The following PCDHA9 variants were observed in gnomAD, a reference collection of about 807,000 sequenced individuals.
PCDHA9 encodes the protein protocadherin alpha 9.
In PCDHA9, 62 loss-of-function variants were observed where a neutral mutation model predicts 62.0. That is an observed-to-expected ratio of 1.00 (90% CI 0.81 to 1.23). The LOEUF (loss-of-function observed/expected upper bound fraction) is 1.23. Among genes scored for constraint, PCDHA9 ranks in the 50% most tolerant of loss-of-function variants. The pLI is 0.00. For synonymous variants in PCDHA9, 557 were observed against 567.6 expected, an observed-to-expected ratio of 0.98 and a Z score of 0.27; for missense variants, 1,205 against 1,249.8, an observed-to-expected ratio of 0.96 and a Z score of 0.54.
intron 1 of PCDHA9, among the ~76,000 whole-genome samples, chr5:140,914,462 G>A (rs1554196374): frequency 6.6e-6 from 1 of 152,068 alleles, no homozygotes; most frequent in East Asian, 1.9e-4. Context: ...CAGTCTATGT[G>A]TATCTTCATA....
intron 1 of PCDHA9, among the ~76,000 whole-genome samples, chr5:140,947,975 A>G (rs572156919): frequency 5.8e-4 from 87 of 150,726 alleles, no homozygotes; most frequent in African/African-American, 1.9e-3. Context: ...TGTGCTACTC[A>G]TAGGTTTTTC....
chr5:140,979,573 G>T lies in PCDHA9; in HGVS notation c.2453+566G>T, dbSNP rs558232107. Among the ~76,000 whole-genome samples, 224 of 152,236 alleles carry T rather than the reference G, an allele frequency of 1.5e-3. 1 individual carries two copies. Among genetic ancestry groups the T allele is most frequent in the African/African-American group, 5.2e-3 (215 of 41,538 alleles). On this transcript the variant is annotated intron_variant, in intron 2 of 3. Transcript: ENST00000532602. ...CTTCAGAAGATGAGCCATGTAAAGG[G>T]CTCCAAATCTAGCTTACTTTAAATT...
chr5:140,885,641 T>G (rs917089389), intron 1 of PCDHA9, among the ~76,000 whole-genome samples: 10 of 152,200 alleles, frequency 6.6e-5, no homozygotes, highest in Admixed American at 6.5e-4. Context: ...GCCTTCCAAG[T>G]ATTTTGGAAC....
intron 1 of PCDHA9, chr5:140,927,118 G>T (rs2083863389): frequency 6.2e-7 from 1 of 1,613,946 alleles, no homozygotes; most frequent in East Asian, 2.2e-5. Context: ...CGGCAATTTG[G>T]TGGTCAGAGA....
At chr5:141,008,582 G>A (rs1554261823) in intron 3 of PCDHA9, among the ~76,000 whole-genome samples, 1 of 152,130 alleles carries the variant, frequency 6.6e-6, no homozygotes. Context: ...CCAAGACTCA[G>A]GGCAGATTTC....
intron 1 of PCDHA9, chr5:140,857,735 G>T (rs782288464): frequency 6.3e-7 from 1 of 1,597,334 alleles, no homozygotes; most frequent in Non-Finnish European, 8.6e-7. Flanking sequence ...CAACGCTCCC[G>T]CGCTGCTGGC....
chr5:140,965,031 T>C (rs1211247687), intron 1 of PCDHA9, among the ~76,000 whole-genome samples: 3 of 152,208 alleles, frequency 2.0e-5, no homozygotes, highest in African/African-American at 7.2e-5. Flanking sequence ...CTCCTTTAAC[T>C]GTCCGCTCTA....
At chr5:140,907,197 A>G (rs2073229380) in intron 1 of PCDHA9, among the ~76,000 whole-genome samples, 1 of 152,166 alleles carries the variant, frequency 6.6e-6, no homozygotes, top group Non-Finnish European at 1.5e-5. Context: ...AACCTTCTGG[A>G]GAATTTTGCC....
chr5:140,965,924 C>A (rs548082207), intron 1 of PCDHA9, among the ~76,000 whole-genome samples: 1 of 152,212 alleles, frequency 6.6e-6, no homozygotes, highest in Non-Finnish European at 1.5e-5. Context: ...TTTAGGCTTG[C>A]TCCCGGAAAG....
chr5:140,857,925 A>T (rs1291686886), intron 1 of PCDHA9: 2 of 1,597,686 alleles, frequency 1.3e-6, no homozygotes, highest in Non-Finnish European at 1.7e-6. Flanking sequence ...GTGGGGCTGT[A>T]CACGGGCGAG....
At chr5:140,865,992 T>C (rs1475339451) in intron 1 of PCDHA9, 1 of 152,212 alleles carries the variant, frequency 6.6e-6, no homozygotes, top group Non-Finnish European at 1.5e-5. Flanking sequence ...CACTAAGTTT[T>C]TTTATGTTAA....
rs530563833 is a variant in PCDHA9, at chr5:140,894,957, T to A, written c.2394+44068T>A. Among the ~76,000 whole-genome samples, 18 of 152,324 alleles carry A rather than the reference T, an allele frequency of 1.2e-4. No individual in the cohort carries two copies. In the East Asian group the frequency reaches 3.3e-3, roughly 28 times the overall value. Reference sequence around the variant, plus strand: ...AGCTATTGTCATGAAATGATAAAAATATAATTTTTTAATGTCTTACTTTGT... The same window carrying A: ...AGCTATTGTCATGAAATGATAAAAAAATAATTTTTTAATGTCTTACTTTGT... On this transcript the variant is annotated intron_variant, in intron 1 of 3. Transcript: ENST00000532602.
At chr5:140,987,050 C>G (rs781947211) in intron 3 of PCDHA9, among the ~76,000 whole-genome samples, 34 of 151,840 alleles carry the variant, frequency 2.2e-4, no homozygotes, top group Non-Finnish European at 2.5e-4. Context: ...CCCATCTCTA[C>G]TAAAGTTACA....
chr5:140,910,972 G>T (rs533796834), intron 1 of PCDHA9, among the ~76,000 whole-genome samples: 1 of 152,124 alleles, frequency 6.6e-6, no homozygotes, highest in African/African-American at 2.4e-5. Flanking sequence ...CCTCCTCATG[G>T]GTTATACTCT....
chr5:140,972,958 G>C (rs918792607), intron 1 of PCDHA9, among the ~76,000 whole-genome samples: 1 of 152,038 alleles, frequency 6.6e-6, no homozygotes, highest in African/African-American at 2.4e-5. Context: ...CACCATGCCC[G>C]GCAAAGGAAA....
chr5:140,922,595 A>G (rs1554200883), intron 1 of PCDHA9, among the ~76,000 whole-genome samples: 1 of 152,216 alleles, frequency 6.6e-6, no homozygotes, highest in Non-Finnish European at 1.5e-5. Context: ...AGTTCTCATC[A>G]GTTGAAGATA....
chr5:140,966,946 C>G (rs377699694), intron 1 of PCDHA9: 3 of 1,603,368 alleles, frequency 1.9e-6, no homozygotes, highest in African/African-American at 2.7e-5. Context: ...TCGTGGGCAA[C>G]GTGGCTCGCG....
chr5:140,887,023 A>T (rs561705710), intron 1 of PCDHA9, among the ~76,000 whole-genome samples: 3 of 152,050 alleles, frequency 2.0e-5, no homozygotes, highest in South Asian at 2.1e-4. Flanking sequence ...TGCCTGAAAA[A>T]TTTCTTTAAT....
intron 1 of PCDHA9, chr5:140,863,119 A>G: frequency 1.7e-6 from 1 of 591,284 alleles, no homozygotes. Context: ...GGCGAAAGCT[A>G]CGCGCCACCG....
Sources: allele counts gnomAD v4.1 joint callset (sites outside exome capture counted in the v4.1 genomes callset), GRCh38; gene constraint gnomAD v4.1.1; transcripts MANE v1.5; gene names NCBI Gene and HGNC (gene_info 2026-07-23, HGNC 2026-07-21).